The following FSTL4 variants were observed in gnomAD, a reference collection of about 807,000 sequenced individuals.
The protein encoded by FSTL4 is follistatin-related protein 4.
In FSTL4, 28 loss-of-function variants were observed where a neutral mutation model predicts 78.2. The observed-to-expected ratio is 0.36, with a 90% CI of 0.27 to 0.49. The LOEUF is 0.49. Among genes scored for constraint, FSTL4 ranks in the 20% least tolerant of loss-of-function variants. FSTL4 has a pLI of 0.98. For missense variants in FSTL4, 922 were observed against 1,084.9 expected (o/e 0.85, Z 2.11); for synonymous variants, 422 against 440.5 (o/e 0.96, Z 0.53).
intron 3 of FSTL4, among the ~76,000 whole-genome samples, chr5:133,459,988 G>A (rs1207749173): frequency 2.6e-5 from 4 of 152,152 alleles, no homozygotes; most frequent in South Asian, 2.1e-4. Flanking sequence ...CTTCAGCTAC[G>A]AAAGGAAATA....
intron 2 of FSTL4, among the ~76,000 whole-genome samples, chr5:133,572,727 A>T (rs1011082943): frequency 7.9e-5 from 12 of 152,142 alleles, no homozygotes; most frequent in Non-Finnish European, 1.6e-4. Flanking sequence ...TGATTTTTTT[A>T]AAAAAGATCA....
chr5:133,504,691 C>T (rs551097590), intron 3 of FSTL4, among the ~76,000 whole-genome samples: 1 of 152,306 alleles, frequency 6.6e-6, no homozygotes, highest in South Asian at 2.1e-4. Context: ...CCAGAGCTCT[C>T]GTCTTCCTCC....
chr5:133,241,880 A>G (rs1751884072), intron 7 of FSTL4, among the ~76,000 whole-genome samples: 1 of 152,216 alleles, frequency 6.6e-6, no homozygotes, highest in African/African-American at 2.4e-5. Flanking sequence ...ATGACAGCTG[A>G]TTCCTGTCGT....
chr5:133,454,515 A>G (rs1292536940), intron 3 of FSTL4, among the ~76,000 whole-genome samples: 5 of 152,038 alleles, frequency 3.3e-5, no homozygotes, highest in African/African-American at 9.7e-5. Flanking sequence ...GCTGGATCTC[A>G]TAAGCTCACA....
the FSTL4 span, among the ~76,000 whole-genome samples, chr5:133,756,566 A>T: frequency 6.6e-6 from 1 of 152,040 alleles, no homozygotes; most frequent in Non-Finnish European, 1.5e-5. Context: ...CCAGCCCACC[A>T]CGGGAAGAGG....
At chr5:133,218,046 T>G (rs1361703132) in intron 12 of FSTL4, among the ~76,000 whole-genome samples, 2 of 152,156 alleles carry the variant, frequency 1.3e-5, no homozygotes, top group African/African-American at 2.4e-5. Context: ...CCCAGGCCTC[T>G]TCCCCGAACT....
At chr5:133,615,773 C>T (rs1761188858), upstream of FSTL4, among the ~76,000 whole-genome samples, 1 of 152,082 alleles carries the variant, frequency 6.6e-6, no homozygotes, top group Non-Finnish European at 1.5e-5. Flanking sequence ...AACTTTATTT[C>T]AGGGAGAAAA....
intron 6 of FSTL4, among the ~76,000 whole-genome samples, chr5:133,272,790 T>A (rs922109008): frequency 1.1e-4 from 16 of 152,260 alleles, no homozygotes; most frequent in African/African-American, 3.9e-4. Context: ...TAGGCATTGA[T>A]GTGGCAACAG....
the FSTL4 span, among the ~76,000 whole-genome samples, chr5:133,671,625 C>T: frequency 1.3e-5 from 2 of 152,336 alleles, no homozygotes; most frequent in Middle Eastern, 3.4e-3. Flanking sequence ...TCATTTATAA[C>T]CTGATGCATC....
chr5:133,444,937 G>C (rs1265645717), intron 3 of FSTL4, among the ~76,000 whole-genome samples: 1 of 152,178 alleles, frequency 6.6e-6, no homozygotes, highest in East Asian at 1.9e-4. Flanking sequence ...AACCCCCACT[G>C]TCTCCTACTG....
At chr5:133,389,068 A>AT (rs1343266036) in intron 4 of FSTL4, among the ~76,000 whole-genome samples, 1 of 151,980 alleles carries the variant, frequency 6.6e-6, no homozygotes, top group Middle Eastern at 3.4e-3. Flanking sequence ...TTACAATCCC[A>AT]TTTTTTATCT....
At chr5:133,567,091 A>C in intron 3 of FSTL4, 95 bp downstream of exon 3, 1 of 888,492 alleles carries the variant, frequency 1.1e-6, no homozygotes, top group East Asian at 2.4e-5. Context: ...TCAAAGAATG[A>C]GCTGCCCACA....
chr5:133,532,135 A>G (rs575628073), intron 3 of FSTL4, among the ~76,000 whole-genome samples: 48 of 152,338 alleles, frequency 3.2e-4, no homozygotes, highest in Middle Eastern at 3.4e-3. Context: ...TCGGAGAAGG[A>G]GACATGATGA....
chr5:133,582,679 C>T (rs1471512413), intron 2 of FSTL4, among the ~76,000 whole-genome samples: 1 of 152,212 alleles, frequency 6.6e-6, no homozygotes, highest in African/African-American at 2.4e-5. Flanking sequence ...CTCCCTCACA[C>T]CTCTTCTTCC....
At chr5:133,443,400 AGT>A (rs1384541578) in intron 3 of FSTL4, among the ~76,000 whole-genome samples, 1 of 152,232 alleles carries the variant, frequency 6.6e-6, no homozygotes, top group African/African-American at 2.4e-5. Flanking sequence ...CACACTCTCT[AGT>A]GTTGGCGCAA....
chr5:133,566,455 T>G (rs557248717), intron 3 of FSTL4, among the ~76,000 whole-genome samples: 1 of 152,202 alleles, frequency 6.6e-6, no homozygotes, highest in Admixed American at 6.5e-5. Flanking sequence ...AGCCACATTC[T>G]AGACCAGGAA....
At chr5:133,539,231 T>C (rs1186419446) in intron 3 of FSTL4, among the ~76,000 whole-genome samples, 1 of 151,646 alleles carries the variant, frequency 6.6e-6, no homozygotes, top group Non-Finnish European at 1.5e-5. Context: ...TGCTGCCATC[T>C]TTGGAAAATC....
Position 133,357,247 on chromosome 5 carries a change from C to T in FSTL4, c.410-40595G>A, listed in dbSNP as rs1754961566. On this transcript the variant is annotated intron_variant, in intron 4 of 15. Transcript: ENST00000265342. ...CTTTGGCAGAGTCTCAGTCCCCCTCCTGTTTGTGCTGTCCCCGTGCCCTGC... is the reference window on the plus strand; with the variant it reads ...CTTTGGCAGAGTCTCAGTCCCCCTCTTGTTTGTGCTGTCCCCGTGCCCTGC... Among the ~76,000 whole-genome samples the T allele has an allele frequency of 2.0e-5, 3 of 152,164 alleles. 1 individual carries two copies.
At chr5:133,331,895 G>A (rs1368465625) in intron 4 of FSTL4, among the ~76,000 whole-genome samples, 1 of 152,114 alleles carries the variant, frequency 6.6e-6, no homozygotes, top group Non-Finnish European at 1.5e-5. Context: ...TTATCTACAC[G>A]GGAAACTTAT....
Sources: allele counts gnomAD v4.1 joint callset (sites outside exome capture counted in the v4.1 genomes callset), GRCh38; gene constraint gnomAD v4.1.1; transcripts MANE v1.5; gene names NCBI Gene and HGNC (gene_info 2026-07-23, HGNC 2026-07-21).